The following GRIK4 variants were observed in gnomAD, a reference collection of about 807,000 sequenced individuals.
GRIK4 encodes the protein glutamate receptor ionotropic, kainate 4.
In GRIK4, 40 loss-of-function variants were observed where a neutral mutation model predicts 104.9. The ratio of observed to expected loss-of-function variants is 0.38; its 90% CI spans 0.30 to 0.50. The LOEUF is 0.50. GRIK4 is among the 20% of genes least tolerant of loss of function. GRIK4 has a pLI of 0.93. For synonymous variants in GRIK4, 485 were observed against 524.9 expected (o/e 0.92, Z 1.04); for missense variants, 1,047 against 1,308.1 (o/e 0.80, Z 3.08).
At chr11:120,557,480 T>C (rs1021882599) in intron 1 of GRIK4, among the ~76,000 whole-genome samples, 1 of 152,176 alleles carries the variant, frequency 6.6e-6, no homozygotes, top group African/African-American at 2.4e-5. Context: ...GCCAAGACAA[T>C]CTGAATTAAT....
chr11:120,515,511 G>A (rs910977458), intron 1 of GRIK4, among the ~76,000 whole-genome samples: 2 of 152,192 alleles, frequency 1.3e-5, no homozygotes, highest in African/African-American at 2.4e-5. Context: ...CTGAGTGGCC[G>A]CCTTCTGCTC....
chr11:120,885,918 C>T (rs561301363), intron 11 of GRIK4, among the ~76,000 whole-genome samples: 8 of 152,184 alleles, frequency 5.3e-5, no homozygotes, highest in Admixed American at 5.2e-4. Flanking sequence ...TCTCTGAGAA[C>T]AGCCAATGTG....
chr11:120,947,813 T>A (rs1007748527), intron 14 of GRIK4, among the ~76,000 whole-genome samples: 1 of 152,138 alleles, frequency 6.6e-6, no homozygotes, highest in African/African-American at 2.4e-5. Flanking sequence ...GGGAAGACAA[T>A]GGCACCCAGA....
chr11:120,658,080 A>G (rs548222035), intron 2 of GRIK4, among the ~76,000 whole-genome samples: 1 of 152,308 alleles, frequency 6.6e-6, no homozygotes, highest in Non-Finnish European at 1.5e-5. Context: ...TAGAATGTGT[A>G]ATCTTTTGTA....
chr11:120,598,906 T>TC (rs1948842477), intron 1 of GRIK4, among the ~76,000 whole-genome samples: 1 of 152,250 alleles, frequency 6.6e-6, no homozygotes, highest in South Asian at 2.1e-4. Flanking sequence ...AAGTCATATG[T>TC]CCAAGTCCAG....
At chr11:120,884,439 C>T (rs1274652242) in intron 11 of GRIK4, among the ~76,000 whole-genome samples, 2 of 152,242 alleles carry the variant, frequency 1.3e-5, no homozygotes, top group East Asian at 3.8e-4. Flanking sequence ...GGCCAGGTCA[C>T]TCTGGCTGTA....
At chr11:120,776,034 G>C (rs1952034789) in intron 3 of GRIK4, among the ~76,000 whole-genome samples, 1 of 152,222 alleles carries the variant, frequency 6.6e-6, no homozygotes, top group African/African-American at 2.4e-5. Flanking sequence ...AAGGACCTGG[G>C]TACCTACGAC....
intron 3 of GRIK4, among the ~76,000 whole-genome samples, chr11:120,695,141 G>T (rs1304538265): frequency 6.6e-6 from 1 of 152,198 alleles, no homozygotes; most frequent in Non-Finnish European, 1.5e-5. Flanking sequence ...TCCTGCTGGA[G>T]GTCAGGGAGC....
rs568722335 is a variant in GRIK4 at position 120,513,041 on chromosome 11, C to T, written c.-159+1154C>T. 4.4e-4 allele frequency among the ~76,000 whole-genome samples: 67 copies of T among 152,246 alleles called. No homozygotes were observed. The highest frequency in any genetic ancestry group is 1.3e-3 in the African/African-American group (53 of 41,570). On this transcript the variant is annotated intron_variant, in intron 1 of 20. Coordinates refer to ENST00000527524, the MANE Select transcript of GRIK4 (RefSeq NM_014619.5). This position sits in a 1 kb window ranked among gnomAD's most constrained non-coding sequence, Gnocchi z 4.5. The stretch of plus-strand genomic sequence containing the variant: ...TTGGTGCTGTTGTCTGGTGATGCCA[C>T]GCGGTGCCACCTCCCTGCCTCCCTC...
chr11:120,522,434 GC>G (rs1438791172), intron 1 of GRIK4, among the ~76,000 whole-genome samples: 1 of 152,146 alleles, frequency 6.6e-6, no homozygotes, highest in Non-Finnish European at 1.5e-5. Context: ...CGATTCTCCT[GC>G]CTCAGCCTCC....
chr11:120,750,085 AG>A (rs1282719005), intron 3 of GRIK4, among the ~76,000 whole-genome samples: 1 of 152,080 alleles, frequency 6.6e-6, no homozygotes. Context: ...ACAGAGGCAG[AG>A]AAGGAAGGTG....
rs375860531 is a variant in GRIK4 at position 120,762,469 on chromosome 11, C to T, written c.83-40224C>T. ...GCCTGAGTGCCCTGGCCAGAACTTC[C>T]AATACTGTGTTGAATAGGAGTGGTG... On this transcript the variant is annotated intron_variant, in intron 3 of 20. Coordinates refer to ENST00000527524, the MANE Select transcript of GRIK4 (RefSeq NM_014619.5). 1.7e-4 allele frequency among the ~76,000 whole-genome samples: 26 copies of T among 152,282 alleles called. No individual in the cohort carries two copies. In the East Asian group the frequency reaches 2.7e-3, roughly 16 times the overall value.
At chr11:120,726,177 A>C (rs1487808166) in intron 3 of GRIK4, among the ~76,000 whole-genome samples, 1 of 152,176 alleles carries the variant, frequency 6.6e-6, no homozygotes, top group Non-Finnish European at 1.5e-5. Flanking sequence ...AGGAACATAG[A>C]GATTATAGAG....
At position 120,948,205 on chromosome 11, in the gene GRIK4, T is replaced by A. The variant is rs535456539; in HGVS notation, c.1591-4650T>A. 9.8e-5 allele frequency among the ~76,000 whole-genome samples: 15 copies of A among 152,292 alleles called. 1 individual carries two copies. The East Asian group carries it at 2.9e-3, about 29-fold the overall frequency. On this transcript the variant is annotated intron_variant, in intron 14 of 20. Coordinates refer to ENST00000527524, the MANE Select transcript of GRIK4 (RefSeq NM_014619.5). Reference sequence around the variant, plus strand: ...TACCTCTTCAGCCCTGGACAGTGTGTGATTGACCATTGGGCACTGCTGGGA... The same window carrying A: ...TACCTCTTCAGCCCTGGACAGTGTGAGATTGACCATTGGGCACTGCTGGGA...
intron 1 of GRIK4, among the ~76,000 whole-genome samples, chr11:120,607,729 GC>G (rs1948979792): frequency 6.6e-6 from 1 of 152,136 alleles, no homozygotes; most frequent in South Asian, 2.1e-4. Context: ...GGGTAGAGAT[GC>G]AGCCAAAGCC....
At chr11:120,615,230 T>C (rs1949095408) in intron 1 of GRIK4, among the ~76,000 whole-genome samples, 2 of 152,152 alleles carry the variant, frequency 1.3e-5, no homozygotes, top group Admixed American at 6.5e-5. Flanking sequence ...AGGAGGCCGA[T>C]TGAGGCCCTG....
In GRIK4 at chr11:120,917,657, G is replaced by A. The variant is rs192054159; in HGVS notation, c.1476+12164G>A. ...TGAAACAGACTTCAGAATTTTCCCC[G>A]CCCATCCTCAGATCCCTGTGCTGGT... On this transcript the variant is annotated intron_variant, in intron 13 of 20. Coordinates refer to ENST00000527524, the MANE Select transcript of GRIK4 (RefSeq NM_014619.5). Among the ~76,000 whole-genome samples, 4 of 152,290 alleles carry A rather than the reference G, an allele frequency of 2.6e-5. No homozygotes were observed. The South Asian group carries it at 6.2e-4, about 24-fold the overall frequency.
intron 1 of GRIK4, among the ~76,000 whole-genome samples, chr11:120,587,147 T>C (rs1428070881): frequency 6.6e-6 from 1 of 152,160 alleles, no homozygotes; most frequent in Non-Finnish European, 1.5e-5. Flanking sequence ...GAGGCGGCAG[T>C]CTCTGCTTGT....
chr11:120,641,026 C>G (rs1949464833), intron 1 of GRIK4, among the ~76,000 whole-genome samples: 1 of 152,214 alleles, frequency 6.6e-6, no homozygotes, highest in Non-Finnish European at 1.5e-5. Flanking sequence ...AATGCTAAAC[C>G]TTTTTAACGA....
Sources: gnomAD v4.1 joint callset for allele counts (sites outside exome capture counted in the v4.1 genomes callset) on GRCh38, gnomAD v4.1.1 for gene constraint, Gnocchi (gnomAD v3.1) non-coding constraint, MANE v1.5 for transcripts, NCBI Gene and HGNC (gene_info 2026-07-23, HGNC 2026-07-21) for gene names.